Variants in LARP4B observed in about 807,000 individuals in gnomAD.
LARP4B encodes la-related protein 4B.
LARP4B carries 12 observed loss-of-function variants against 89.8 expected under a neutral mutation model. The observed-to-expected ratio is 0.13, with a 90% CI of 0.09 to 0.22. The LOEUF (loss-of-function observed/expected upper bound fraction) is 0.22. LARP4B is among the 10% of genes least tolerant of loss of function. The pLI is 1.00. For missense variants in LARP4B, 757 were observed against 947.7 expected, an observed-to-expected ratio of 0.80 and a Z score of 2.64; for synonymous variants, 367 against 363.3, an observed-to-expected ratio of 1.01 and a Z score of -0.12.
At chr10:954,645 G>A in the LARP4B span, among the ~76,000 whole-genome samples, 1 of 152,168 alleles carries the variant, frequency 6.6e-6, no homozygotes, top group African/African-American at 2.4e-5. The surrounding 1 kb of genome is among the most constrained non-coding windows in gnomAD (Gnocchi z 5.0). Context: ...CGTGGGTCTG[G>A]GGGTGCGGCC....
chr10:884,837 A>C lies in LARP4B; in HGVS notation c.82-331T>G, dbSNP rs536780117. Reference sequence around the variant, plus strand: ...CAAAAAAATGTATATTAAAATCCTAACTCTTTAAATACATCCTACTATAGT... The same window carrying C: ...CAAAAAAATGTATATTAAAATCCTACCTCTTTAAATACATCCTACTATAGT... On this transcript the variant is annotated intron_variant, in intron 2 of 17. Transcript: ENST00000316157. Among the ~76,000 whole-genome samples the C allele has an allele frequency of 2.0e-5, 3 of 152,256 alleles. No homozygotes were observed. The South Asian group carries it at 6.2e-4, about 32-fold the overall frequency.
In LARP4B at chr10:836,734, C is replaced by A. The variant is rs1418434117; in HGVS notation, c.647-228G>T. 3.3e-5 allele frequency among the ~76,000 whole-genome samples: 5 copies of A among 152,304 alleles called. No individual in the cohort carries two copies. In the East Asian group the frequency reaches 9.6e-4, roughly 29 times the overall value. Reference sequence around the variant, plus strand: ...ACTATGAAACAAAGGTTCTAAACAGCTCAAGCACTAAGAGCAGATGAAAAT... The same window carrying A: ...ACTATGAAACAAAGGTTCTAAACAGATCAAGCACTAAGAGCAGATGAAAAT... On this transcript the variant is annotated intron_variant, in intron 7 of 17. Coordinates refer to ENST00000316157, the MANE Select transcript of LARP4B (RefSeq NM_015155.3).
intron 15 of LARP4B, among the ~76,000 whole-genome samples, chr10:815,945 G>C (rs1588843610): frequency 6.6e-6 from 1 of 152,364 alleles, no homozygotes; most frequent in South Asian, 2.1e-4. Context: ...ATTCAGGGTA[G>C]GGGCCGGGCA....
intron 1 of LARP4B, among the ~76,000 whole-genome samples, chr10:921,117 T>C (rs1330313134): frequency 1.3e-5 from 2 of 151,690 alleles, no homozygotes; most frequent in Non-Finnish European, 2.9e-5. Flanking sequence ...CTACTAAAAA[T>C]ACAAAACTAG....
At chr10:920,779 A>C (rs1564447018) in intron 1 of LARP4B, among the ~76,000 whole-genome samples, 1 of 152,162 alleles carries the variant, frequency 6.6e-6, no homozygotes, top group African/African-American at 2.4e-5. Context: ...CTCAAAAAAA[A>C]GGAATTAAAA....
chr10:889,678 C>T (rs1057163880), intron 1 of LARP4B, among the ~76,000 whole-genome samples: 1 of 152,188 alleles, frequency 6.6e-6, no homozygotes, highest in African/African-American at 2.4e-5. Context: ...TCCCAAACAA[C>T]GTAAGAAGTA....
At chr10:873,386 A>G in intron 3 of LARP4B, 5 of 985,440 alleles carry the variant, frequency 5.1e-6, no homozygotes, top group Non-Finnish European at 6.0e-6. Context: ...AAAAGCTCAG[A>G]ACAGCAGCAA....
intron 3 of LARP4B, chr10:870,101 T>C: frequency 7.2e-6 from 7 of 966,166 alleles, no homozygotes; most frequent in Non-Finnish European, 8.6e-6. Context: ...CAAAGCAATT[T>C]CCAAGGCCTG....
At position 907,425 on chromosome 10, in the gene LARP4B, T is replaced by C. The variant is rs117939008; in HGVS notation, c.-39-21665A>G. Among the ~76,000 whole-genome samples, 1,369 of 152,356 alleles carry C rather than the reference T, an allele frequency of 9.0e-3. 8 individuals are homozygous for C. Among genetic ancestry groups the C allele is most frequent in the Admixed American group, 0.022 (333 of 15,304 alleles). ...AAATTACTTTGAGTTAATTTTCATT[T>C]TCATTTTATTTTATTCTCTAGACTT... On this transcript the variant is annotated intron_variant, in intron 1 of 17. Transcript: ENST00000316157.
chr10:933,064 C>A (rs1317795573), upstream of LARP4B: 2 of 152,270 alleles, frequency 1.3e-5, no homozygotes, highest in Non-Finnish European at 1.5e-5. Flanking sequence ...ACTATAGCAG[C>A]ATACTCTACC....
intron 3 of LARP4B, among the ~76,000 whole-genome samples, chr10:882,390 ATT>A (rs772971385): frequency 6.9e-6 from 1 of 145,608 alleles, no homozygotes. Context: ...TAGGGAAACC[ATT>A]TTTTTTTTTT....
chr10:866,089 G>C (rs539087407), intron 3 of LARP4B, among the ~76,000 whole-genome samples: 1 of 152,350 alleles, frequency 6.6e-6, no homozygotes, highest in African/African-American at 2.4e-5. Context: ...CTGAAACTGA[G>C]AGAAGGCAGC....
In LARP4B at chr10:811,181, A is replaced by T. The variant is rs1831732996; in HGVS notation, c.*1745T>A. The T allele has an allele frequency of 6.6e-6, 1 of 152,658 alleles. No homozygotes were observed. The highest frequency in any genetic ancestry group is 1.5e-5 in the Non-Finnish European group (1 of 68,038). 9.5% of individuals were successfully genotyped at this position (152,658 alleles called of 1,614,324 possible). A position where few individuals can be genotyped will look rare whatever the true frequency, so the allele number is the denominator to read the frequency against. Reference sequence around the variant, plus strand: ...AATCAGTTCAACACACCGATGTAAGAGAAAAAAGAAAATCTCAACAAATCA... The same window carrying T: ...AATCAGTTCAACACACCGATGTAAGTGAAAAAAGAAAATCTCAACAAATCA... On this transcript the variant is annotated 3_prime_UTR_variant, in exon 18 of 18. Transcript: ENST00000316157.
At chr10:828,373 C>T (rs772930586) in intron 11 of LARP4B, among the ~76,000 whole-genome samples, 2 of 152,222 alleles carry the variant, frequency 1.3e-5, no homozygotes, top group Non-Finnish European at 2.9e-5. Context: ...GTACACGTGT[C>T]TCCTTGGCAT....
the LARP4B span, among the ~76,000 whole-genome samples, chr10:969,706 A>AC: frequency 6.6e-6 from 1 of 152,140 alleles, no homozygotes; most frequent in Non-Finnish European, 1.5e-5. Context: ...TCCAGCCGGA[A>AC]CAGCACAGCA....
chr10:874,513 T>A (rs963843287), intron 3 of LARP4B, among the ~76,000 whole-genome samples: 2 of 152,226 alleles, frequency 1.3e-5, no homozygotes, highest in Non-Finnish European at 2.9e-5. Flanking sequence ...AAGTTGCTCA[T>A]GTACTATGTG....
chr10:850,828 C>G (rs1834008279), intron 5 of LARP4B, among the ~76,000 whole-genome samples: 1 of 151,872 alleles, frequency 6.6e-6, no homozygotes, highest in South Asian at 2.1e-4. Context: ...CCTGGAAAAC[C>G]CCCAAATATT....
chr10:864,264 CTGGTACCTAG>C lies in LARP4B; in HGVS notation c.142-4_147del, dbSNP rs1270815616. On this transcript the variant is annotated splice_acceptor_variant and splice_polypyrimidine_tract_variant and coding_sequence_variant and intron_variant, in exon 4 of 18. Coordinates refer to ENST00000316157, the MANE Select transcript of LARP4B (RefSeq NM_015155.3). LOFTEE classifies it high-confidence loss of function. Reference sequence around the variant, plus strand: ...GGGTTCAGCTCTGAAACCTTAGTTGCTGGTACCTAGGAAGAAATGTAAGATAGACATTTGT... The same window carrying C: ...GGGTTCAGCTCTGAAACCTTAGTTGCGAAGAAATGTAAGATAGACATTTGT... The C allele has an allele frequency of 6.2e-7, 1 of 1,614,006 alleles. No individual in the cohort carries two copies. Among genetic ancestry groups the C allele is most frequent in the Non-Finnish European group, 8.5e-7 (1 of 1,179,990 alleles).
the LARP4B span, among the ~76,000 whole-genome samples, chr10:954,477 T>C: frequency 1.3e-5 from 2 of 152,112 alleles, no homozygotes; most frequent in Admixed American, 6.5e-5. The surrounding 1 kb of genome is among the most constrained non-coding windows in gnomAD (Gnocchi z 5.0). Context: ...GGAGGGTAGC[T>C]GGGCTCATTC....
Sources: gnomAD v4.1 joint callset for allele counts (sites outside exome capture counted in the v4.1 genomes callset) on GRCh38, gnomAD v4.1.1 for gene constraint, Gnocchi (gnomAD v3.1) non-coding constraint, MANE v1.5 for transcripts, NCBI Gene and HGNC (gene_info 2026-07-23, HGNC 2026-07-21) for gene names.